The following ETNK1 variants were observed in gnomAD, a reference collection of about 807,000 sequenced individuals.
The protein encoded by ETNK1 is ethanolamine kinase 1.
Under a neutral mutation model 45.1 loss-of-function variants are expected in ETNK1, and 8 were observed. The observed-to-expected ratio is 0.18, with a 90% confidence interval of 0.10 to 0.32. The LOEUF (loss-of-function observed/expected upper bound fraction) is 0.32, where lower values mean the gene tolerates loss of function less well. Ranked by LOEUF, ETNK1 falls within the 10% of genes least tolerant of loss-of-function variation. The probability of loss-of-function intolerance (pLI) is 1.00; values close to 1 mark genes in which losing one functional copy is unlikely to be tolerated. For missense variants in ETNK1, 302 were observed against 430.6 expected (o/e 0.70, Z 2.64); for synonymous variants, 152 against 151.9 (o/e 1.00, Z -0.01).
intron 4 of ETNK1, among the ~76,000 whole-genome samples, chr12:22,670,876 G>A (rs1348574891): frequency 6.6e-6 from 1 of 152,150 alleles, no homozygotes; most frequent in Non-Finnish European, 1.5e-5. Context: ...GTATCATAAA[G>A]TTTTTGTTAA....
At chr12:22,677,805 CTGTT>C (rs1306206092) in intron 6 of ETNK1, among the ~76,000 whole-genome samples, 3 of 152,224 alleles carry the variant, frequency 2.0e-5, no homozygotes, top group Non-Finnish European at 4.4e-5. Context: ...ATTTGGCTCT[CTGTT>C]TGTCTGTTAT....
At chr12:22,679,492 A>G (rs544838939) in intron 6 of ETNK1, among the ~76,000 whole-genome samples, 2 of 152,248 alleles carry the variant, frequency 1.3e-5, no homozygotes, top group African/African-American at 4.8e-5. Flanking sequence ...CTCAAATGTC[A>G]GTCTCCTCTG....
intron 1 of ETNK1, among the ~76,000 whole-genome samples, chr12:22,627,565 C>T (rs1466006920): frequency 6.6e-6 from 1 of 152,062 alleles, no homozygotes; most frequent in African/African-American, 2.4e-5. Context: ...ATTGCAAACA[C>T]TACTTTCATA....
intron 3 of ETNK1, 26 bp downstream of exon 3, chr12:22,659,180 T>G: frequency 1.3e-6 from 2 of 1,597,056 alleles, no homozygotes; most frequent in Non-Finnish European, 1.7e-6. Context: ...CATTTGAAAT[T>G]ATGTTTTACA....
At chr12:22,644,850 G>A (rs1276801469) in intron 2 of ETNK1, among the ~76,000 whole-genome samples, 2 of 151,916 alleles carry the variant, frequency 1.3e-5, no homozygotes, top group African/African-American at 2.4e-5. Context: ...TGTGAAAATA[G>A]TTTCAACTTT....
intron 6 of ETNK1, among the ~76,000 whole-genome samples, chr12:22,675,710 T>A (rs547650501): frequency 2.0e-5 from 3 of 152,240 alleles, no homozygotes; most frequent in East Asian, 3.9e-4. Flanking sequence ...GAAGGAAACT[T>A]ACTTACTCTG....
rs1236741500 is a variant in ETNK1 at position 22,669,326 on chromosome 12, TAAA to T, written c.701-1941_701-1939del. Reference sequence around the variant, plus strand: ...TACTTATTGTACATAAATTTTAAAATAAAAAAATAAAAGAAAAAAGTCACTTGT... The same window carrying T: ...TACTTATTGTACATAAATTTTAAAATAAAATAAAAGAAAAAAGTCACTTGT... On this transcript the variant is annotated intron_variant, in intron 4 of 7. Transcript: ENST00000266517. Among the ~76,000 whole-genome samples, 16 of 131,050 alleles carry T rather than the reference TAAA, an allele frequency of 1.2e-4. No homozygotes were observed. In the East Asian group the frequency reaches 3.1e-3, roughly 26 times the overall value. 86.0% of individuals were successfully genotyped at this position (131,050 alleles called of 152,430 possible).
At chr12:22,672,268 A>G (rs1370823682) in intron 5 of ETNK1, among the ~76,000 whole-genome samples, 3 of 152,108 alleles carry the variant, frequency 2.0e-5, no homozygotes, top group African/African-American at 7.2e-5. Context: ...ATCACTCTTT[A>G]TTTAGAAACA....
intron 1 of ETNK1, among the ~76,000 whole-genome samples, chr12:22,641,435 C>T (rs1223495605): frequency 6.6e-6 from 1 of 152,066 alleles, no homozygotes; most frequent in African/African-American, 2.4e-5. Context: ...TTTTTTTCTA[C>T]CTTCAGACAT....
chr12:22,685,379 G>C lies in ETNK1; in HGVS notation c.*425G>C, dbSNP rs975613355. 6 of 153,478 alleles carry C rather than the reference G, an allele frequency of 3.9e-5. No individual in the cohort carries two copies. The highest frequency in any genetic ancestry group is 1.4e-4 in the African/African-American group (6 of 41,434). The allele number at this position is 153,478 out of a possible 1,614,324, so 9.5% of individuals were successfully genotyped here. On this transcript the variant is annotated 3_prime_UTR_variant, in exon 8 of 8. Transcript: ENST00000266517. ...ATTAATTTCAGTAAACATTCTAGTT[G>C]TTCAGTGTAACCTTTTTATCTTGAT...
In ETNK1 at chr12:22,625,357, G is replaced by C. The variant is rs1030931161; in HGVS notation, c.-74G>C. ...CGCCCCGGGACGGAAGGATCCACCA[G>C]TCTGTCGGCGCCCGCCGTTCTCGTG... On this transcript the variant is annotated 5_prime_UTR_variant, in exon 1 of 8. Coordinates refer to ENST00000266517, the MANE Select transcript of ETNK1 (RefSeq NM_018638.5). 1.9e-6 allele frequency: 3 copies of C among 1,553,152 alleles called. No homozygotes were observed. Among genetic ancestry groups the C allele is most frequent in the Non-Finnish European group, 2.6e-6 (3 of 1,152,526 alleles).
chr12:22,652,485 G>A (rs1953890692), intron 2 of ETNK1, among the ~76,000 whole-genome samples: 1 of 152,130 alleles, frequency 6.6e-6, no homozygotes, highest in South Asian at 2.1e-4. Flanking sequence ...CAGTGCACAA[G>A]GGCACCAGTT....
intron 4 of ETNK1, among the ~76,000 whole-genome samples, chr12:22,666,297 G>T (rs748781183): frequency 6.6e-6 from 1 of 152,162 alleles, no homozygotes; most frequent in Admixed American, 6.5e-5. Flanking sequence ...ATGATATGGT[G>T]ATAGAATTTG....
intron 1 of ETNK1, among the ~76,000 whole-genome samples, chr12:22,639,710 T>C (rs1037325085): frequency 6.6e-6 from 1 of 151,820 alleles, no homozygotes; most frequent in Non-Finnish European, 1.5e-5. Context: ...CTTGATTAGA[T>C]TTCAAATCAT....
intron 6 of ETNK1, among the ~76,000 whole-genome samples, chr12:22,680,205 C>T (rs528739517): frequency 6.6e-6 from 1 of 152,250 alleles, no homozygotes; most frequent in South Asian, 2.1e-4. Flanking sequence ...GATTTCAGCA[C>T]CTTCTCCTTT....
intron 1 of ETNK1, among the ~76,000 whole-genome samples, chr12:22,632,710 C>G (rs935258267): frequency 6.6e-6 from 1 of 152,096 alleles, no homozygotes; most frequent in Non-Finnish European, 1.5e-5. Context: ...GCTGTGTTAC[C>G]AGGCTGGTCT....
intron 4 of ETNK1, chr12:22,671,047 A>T (rs1954102386): frequency 4.7e-6 from 2 of 427,642 alleles, no homozygotes; most frequent in Non-Finnish European, 8.2e-6. Context: ...AAAAGTGGAC[A>T]TTAGTGTTTA....
chr12:22,668,400 T>C (rs1330797414), intron 4 of ETNK1, among the ~76,000 whole-genome samples: 1 of 152,242 alleles, frequency 6.6e-6, no homozygotes, highest in East Asian at 1.9e-4. Flanking sequence ...ATTTGATTTT[T>C]CTGGCACCCT....
At chr12:22,631,923 G>A (rs1218429644) in intron 1 of ETNK1, among the ~76,000 whole-genome samples, 2 of 152,032 alleles carry the variant, frequency 1.3e-5, no homozygotes, top group African/African-American at 2.4e-5. Context: ...GTGAAAAACA[G>A]CAAACATATA....
Sources: gnomAD v4.1 joint callset for allele counts (sites outside exome capture counted in the v4.1 genomes callset) on GRCh38, gnomAD v4.1.1 for gene constraint, MANE v1.5 for transcripts, NCBI Gene and HGNC (gene_info 2026-07-23, HGNC 2026-07-21) for gene names.